The following CCSER1 variants were observed in gnomAD, a reference collection of about 807,000 sequenced individuals.
The protein encoded by CCSER1 is serine-rich coiled-coil domain-containing protein 1.
CCSER1 carries 41 observed loss-of-function variants against 82.0 expected under a neutral mutation model. That is an observed-to-expected ratio of 0.50 (90% CI 0.39 to 0.65). The LOEUF is 0.65. Among genes scored for constraint, CCSER1 ranks in the 30% least tolerant of loss-of-function variants. The pLI is 0.00. For synonymous variants in CCSER1, 414 were observed against 383.9 expected, an observed-to-expected ratio of 1.08 and a Z score of -0.92; for missense variants, 1,119 against 1,064.2, an observed-to-expected ratio of 1.05 and a Z score of -0.72.
intron 3 of CCSER1, among the ~76,000 whole-genome samples, chr4:90,371,585 C>G (rs1002321480): frequency 3.3e-5 from 5 of 151,810 alleles, no homozygotes; most frequent in African/African-American, 1.2e-4. Flanking sequence ...TTAAAGGCAC[C>G]ATGGAAACAA....
intron 9 of CCSER1, among the ~76,000 whole-genome samples, chr4:91,023,952 C>A (rs918245594): frequency 3.3e-5 from 5 of 152,116 alleles, no homozygotes; most frequent in African/African-American, 1.2e-4. Flanking sequence ...AGACAAAATT[C>A]ATTTATTATA....
chr4:91,286,374 G>A (rs1049471737), intron 10 of CCSER1, among the ~76,000 whole-genome samples: 1 of 151,766 alleles, frequency 6.6e-6, no homozygotes, highest in African/African-American at 2.4e-5. Context: ...GCTTGATGAA[G>A]GTTCACTAAG....
At chr4:90,202,277 A>G (rs1303706086) in intron 1 of CCSER1, among the ~76,000 whole-genome samples, 1 of 150,898 alleles carries the variant, frequency 6.6e-6, no homozygotes, top group African/African-American at 2.4e-5. Flanking sequence ...ATCTTGGCTC[A>G]CTGCAACCTC....
At chr4:91,432,637 T>C (rs1754396384) in intron 10 of CCSER1, among the ~76,000 whole-genome samples, 2 of 152,184 alleles carry the variant, frequency 1.3e-5, no homozygotes, top group Non-Finnish European at 2.9e-5. Flanking sequence ...TCTCTAATAA[T>C]AAATGAAATT....
At chr4:90,825,698 G>A (rs566632323) in intron 8 of CCSER1, among the ~76,000 whole-genome samples, 1 of 149,612 alleles carries the variant, frequency 6.7e-6, no homozygotes, top group East Asian at 2.0e-4. Flanking sequence ...CAAAACAATT[G>A]GTATTTTTTT....
intron 6 of CCSER1, among the ~76,000 whole-genome samples, chr4:90,651,688 TA>T (rs34539598): frequency 0.52 from 77,220 of 149,430 alleles, 19,963 homozygotes; most frequent in Middle Eastern, 0.67. Context: ...AAAGTATAAT[TA>T]AAAAAAAAAA....
chr4:90,714,315 T>C lies in CCSER1; in HGVS notation c.1933-9599T>C, dbSNP rs368496288. On this transcript the variant is annotated intron_variant, in intron 6 of 10. Coordinates refer to ENST00000509176, the MANE Select transcript of CCSER1 (RefSeq NM_001145065.2). Reference sequence around the variant, plus strand: ...GTCTCCCCTAATGAACTTAAGGTAATTGGAGGCAAAGATTTTTTCTTATTA... The same window carrying C: ...GTCTCCCCTAATGAACTTAAGGTAACTGGAGGCAAAGATTTTTTCTTATTA... Among the ~76,000 whole-genome samples, 4 of 152,134 alleles carry C rather than the reference T, an allele frequency of 2.6e-5. No homozygotes were observed. The South Asian group carries it at 8.3e-4, about 32-fold the overall frequency.
chr4:90,819,540 G>T (rs1402545249), intron 8 of CCSER1, among the ~76,000 whole-genome samples: 2 of 152,000 alleles, frequency 1.3e-5, no homozygotes, highest in African/African-American at 2.4e-5. Context: ...TTATTGCTGG[G>T]TGGGTAGATT....
intron 7 of CCSER1, among the ~76,000 whole-genome samples, chr4:90,766,892 T>C (rs1278412980): frequency 6.6e-6 from 1 of 152,110 alleles, no homozygotes; most frequent in African/African-American, 2.4e-5. Context: ...CTAGAGCTCA[T>C]ACGAGATGTG....
intron 1 of CCSER1, chr4:90,235,298 G>A (rs915830056): frequency 8.5e-5 from 13 of 152,196 alleles, no homozygotes; most frequent in African/African-American, 3.1e-4. Flanking sequence ...TTTGCCTTAG[G>A]ACTCAAGCTT....
At chr4:90,373,476 G>C (rs995680717) in intron 3 of CCSER1, among the ~76,000 whole-genome samples, 4 of 152,118 alleles carry the variant, frequency 2.6e-5, no homozygotes, top group Non-Finnish European at 5.9e-5. Flanking sequence ...GAAATAATAA[G>C]TCATGAAACT....
chr4:90,306,090 C>A (rs1190043390), intron 1 of CCSER1, among the ~76,000 whole-genome samples: 1 of 152,072 alleles, frequency 6.6e-6, no homozygotes, highest in Non-Finnish European at 1.5e-5. Flanking sequence ...ACAAATATTG[C>A]ATGATCTCAG....
intron 1 of CCSER1, among the ~76,000 whole-genome samples, chr4:90,145,445 TG>T (rs1725625099): frequency 6.6e-6 from 1 of 152,158 alleles, no homozygotes; most frequent in Non-Finnish European, 1.5e-5. Context: ...GCTGTATCAG[TG>T]TGCTTTTCAG....
At position 91,136,988 on chromosome 4, in the gene CCSER1, A is replaced by G. The variant is rs1344470450; in HGVS notation, c.2217+50994A>G. Among the ~76,000 whole-genome samples, 3 of 148,044 alleles carry G rather than the reference A, an allele frequency of 2.0e-5. No individual in the cohort carries two copies. The East Asian group carries it at 6.0e-4, about 30-fold the overall frequency. ...GGGAATTCAAAAATTCACTTTAGTG[A>G]TTATAGAAATGTTTATAAAAATTCT... On this transcript the variant is annotated intron_variant, in intron 10 of 10. Transcript: ENST00000509176.
At chr4:91,548,564 T>G (rs1263565802) in intron 10 of CCSER1, among the ~76,000 whole-genome samples, 1 of 27,000 alleles carries the variant, frequency 3.7e-5, no homozygotes, top group African/African-American at 1.9e-4. Context: ...ATTCCTTCAA[T>G]TTTTTTTTTT....
At chr4:90,147,575 T>C (rs2153346859) in intron 1 of CCSER1, among the ~76,000 whole-genome samples, 1 of 152,188 alleles carries the variant, frequency 6.6e-6, no homozygotes, top group East Asian at 1.9e-4. Context: ...GTGCTAATTA[T>C]GCATCAAAGT....
chr4:90,983,580 C>A (rs905737163), intron 9 of CCSER1, among the ~76,000 whole-genome samples: 4 of 151,528 alleles, frequency 2.6e-5, no homozygotes, highest in Non-Finnish European at 5.9e-5. Context: ...CCTTAAAGAA[C>A]CTCATAAAGC....
At chr4:90,302,829 C>A (rs1196445235) in intron 1 of CCSER1, among the ~76,000 whole-genome samples, 1 of 151,024 alleles carries the variant, frequency 6.6e-6, no homozygotes, top group Non-Finnish European at 1.5e-5. Context: ...CAAAACAAAA[C>A]AAAAAGGAAG....
chr4:90,387,411 T>G (rs111514908), intron 3 of CCSER1, among the ~76,000 whole-genome samples: 2 of 152,202 alleles, frequency 1.3e-5, no homozygotes, highest in African/African-American at 4.8e-5. Flanking sequence ...GAATTTGACC[T>G]TGCCAAAGAA....
Sources: allele counts gnomAD v4.1 joint callset (sites outside exome capture counted in the v4.1 genomes callset), GRCh38; gene constraint gnomAD v4.1.1; transcripts MANE v1.5; gene names NCBI Gene and HGNC (gene_info 2026-07-23, HGNC 2026-07-21).